The following TET2 variants were observed in gnomAD, a reference collection of about 807,000 sequenced individuals.
TET2 encodes tet methylcytosine dioxygenase 2.
A neutral mutation model predicts 142.9 loss-of-function variants in TET2; 299 were observed. The observed-to-expected ratio is 2.09, with a 90% CI of 1.90 to 2.30. The LOEUF (loss-of-function observed/expected upper bound fraction) is 2.30. Ranked by LOEUF, TET2 falls within the 30% of genes most tolerant of loss-of-function variation. The probability of loss-of-function intolerance (pLI) is 0.00; values close to 1 mark genes in which losing one functional copy is unlikely to be tolerated. For missense variants in TET2, 2,418 were observed against 2,378.0 expected (o/e 1.02, Z -0.35); for synonymous variants, 819 against 849.0 (o/e 0.96, Z 0.61).
At chr4:105,273,762 G>A (rs1361083109) in intron 10 of TET2, among the ~76,000 whole-genome samples, 1 of 152,148 alleles carries the variant, frequency 6.6e-6, no homozygotes. Context: ...TGAGTCTGTG[G>A]TTTAGGAGGG....
At chr4:105,207,925 G>C (rs1726925220) in intron 2 of TET2, among the ~76,000 whole-genome samples, 1 of 152,130 alleles carries the variant, frequency 6.6e-6, no homozygotes, top group Non-Finnish European at 1.5e-5. Context: ...CCAATGGGGA[G>C]TATAGATGAC....
intron 2 of TET2, among the ~76,000 whole-genome samples, chr4:105,233,383 C>CAAAAAAAAAAAAAA (rs34890297): frequency 0.029 from 2,210 of 76,056 alleles, 516 homozygotes; most frequent in African/African-American, 0.09. Context: ...GACTCCATCT[C>CAAAAAAAAAAAAAA]AAAAAAAAAA....
chr4:105,236,540 A>G lies in TET2; in HGVS notation c.2598A>G (p.Gln866=), dbSNP rs1288245308. 1.9e-6 allele frequency: 3 copies of G among 1,613,988 alleles called. No homozygotes were observed. The highest frequency in any genetic ancestry group is 2.7e-5 in the African/African-American group (2 of 74,920). ...AGACCCAAAACTTGCATCACATGCA[A>G]TATTTTCCAAATAATGTGATCCCAA... The part of the protein sequence containing the change: ...GNKTQNLHHM[Q]YFPNNVIPKQ... The change falls in exon 3 of 11, where the codon CAA becomes CAG. Residue 866 remains glutamine (Q), a synonymous_variant. Coordinates refer to ENST00000380013, the MANE Select transcript of TET2 (RefSeq NM_001127208.3).
chr4:105,234,825 GC>G lies in TET2; in HGVS notation c.885del (p.Cys296ValfsTer12). The G allele has an allele frequency of 6.2e-7, 1 of 1,613,976 alleles. No homozygotes were observed. The highest frequency in any genetic ancestry group is 8.5e-7 in the Non-Finnish European group (1 of 1,179,992). ...AAAGCCAGCTGCAGTGGTGAGTGAG[GC>G]CTGTGATGCTGATGATGCTGATAAT... ...PPKPAAVVSEACDADDADNAS... is the reference protein window; with the variant it reads ...PPKPAAVVSEXCDADDADNAS... On this transcript the variant is annotated frameshift_variant, in exon 3 of 11. Transcript: ENST00000380013. LOFTEE classifies it high-confidence loss of function.
chr4:105,223,264 T>C (rs925154036), intron 2 of TET2, among the ~76,000 whole-genome samples: 3 of 152,170 alleles, frequency 2.0e-5, no homozygotes, highest in African/African-American at 7.2e-5. Flanking sequence ...TAGGAAACAT[T>C]ATATTCCAGG....
Position 105,259,770 on chromosome 4 carries a change from G to A in TET2, c.3954+1G>A, listed in dbSNP as rs1011965788. The A allele has an allele frequency of 1.9e-6, 3 of 1,549,516 alleles. No individual in the cohort carries two copies. The highest frequency in any genetic ancestry group is 2.0e-5 in the Admixed American group (1 of 50,820). On this transcript the variant is annotated splice_donor_variant, in intron 7 of 10. Transcript: ENST00000380013. LOFTEE classifies it high-confidence loss of function. Reference sequence around the variant, plus strand: ...GCTGCTTGGGGATGACCCAAAAGAGGTTTGTTTACTTCCTGATGTATAATC... The same window carrying A: ...GCTGCTTGGGGATGACCCAAAAGAGATTTGTTTACTTCCTGATGTATAATC...
At chr4:105,194,911 A>T (rs1195283499) in intron 2 of TET2, among the ~76,000 whole-genome samples, 1 of 152,164 alleles carries the variant, frequency 6.6e-6, no homozygotes. Context: ...ACTCTTATAC[A>T]TGGTGTCTTG....
intron 2 of TET2, among the ~76,000 whole-genome samples, chr4:105,216,523 G>GA (rs1420696148): frequency 2.6e-5 from 4 of 152,040 alleles, no homozygotes; most frequent in African/African-American, 7.2e-5. Flanking sequence ...CGATAGAGGG[G>GA]AAAGGGGGTA....
At chr4:105,157,135 G>A (rs1713380138) in intron 1 of TET2, among the ~76,000 whole-genome samples, 2 of 151,948 alleles carry the variant, frequency 1.3e-5, no homozygotes, top group African/African-American at 4.8e-5. Flanking sequence ...CAAATACAGT[G>A]TCTGATAGTT....
At chr4:105,189,438 C>T (rs939876243) in intron 1 of TET2, among the ~76,000 whole-genome samples, 2 of 152,172 alleles carry the variant, frequency 1.3e-5, no homozygotes, top group Admixed American at 6.5e-5. Context: ...TGTTTCAAAT[C>T]GGTCTTTCCA....
intron 6 of TET2, among the ~76,000 whole-genome samples, chr4:105,246,515 T>A (rs538781118): frequency 2.0e-5 from 3 of 152,212 alleles, no homozygotes; most frequent in Admixed American, 1.3e-4. Context: ...GCTTAAGCTA[T>A]GCTTATGCAT....
In TET2 at chr4:105,275,479, G is replaced by A. The variant is rs1489178426; in HGVS notation, c.4969G>A (p.Asp1657Asn). 1 of 1,551,634 alleles carries A rather than the reference G, an allele frequency of 6.4e-7. No homozygotes were observed. ...CTATTCTCCCCAGTCTCAGCCGATG[G>A]ATCTGTATAGGTATCCAAGCCAAGA... ...GSYSPQSQPM[D>N]LYRYPSQDPL... The change falls in exon 11 of 11, where the codon GAT (aspartate) becomes AAT (asparagine). Residue 1657 changes from aspartate (D) to asparagine (N), a missense_variant. By Grantham distance (23) the Asp-to-Asn change is conservative (BLOSUM62 1). Transcript: ENST00000380013.
Position 105,278,038 on chromosome 4 carries a change from G to T in TET2, c.*1519G>T, listed in dbSNP as rs1275539961. On this transcript the variant is annotated 3_prime_UTR_variant, in exon 11 of 11. Transcript: ENST00000380013. ...AAAAAGAAACAAAAACAGGCAGCTG[G>T]TTTGCTGTGGTGGTTTTAAATCATT... The T allele has an allele frequency of 4.7e-6, 1 of 211,666 alleles. No individual in the cohort carries two copies. The highest frequency in any genetic ancestry group is 9.6e-6 in the Non-Finnish European group (1 of 104,618). The allele number at this position is 211,666 out of a possible 1,614,324, so 13.1% of individuals were successfully genotyped here. A position where few individuals can be genotyped will look rare whatever the true frequency, so the allele number is the denominator to read the frequency against.
chr4:105,263,020 C>T (rs72665945), intron 8 of TET2, among the ~76,000 whole-genome samples: 5 of 133,898 alleles, frequency 3.7e-5, no homozygotes, highest in Non-Finnish European at 6.8e-5. Context: ...CAAAGATGAC[C>T]CAGATTCTAA....
At chr4:105,146,352 C>T (rs962305805), upstream of TET2, 2 of 152,672 alleles carry the variant, frequency 1.3e-5, no homozygotes, top group Non-Finnish European at 2.9e-5. Flanking sequence ...GCTTCTTCTC[C>T]CAGGGGTGGA....
chr4:105,196,743 G>C (rs1406931084), intron 2 of TET2, among the ~76,000 whole-genome samples: 1 of 152,116 alleles, frequency 6.6e-6, no homozygotes, highest in Non-Finnish European at 1.5e-5. Flanking sequence ...ACTTACTGTA[G>C]TCATTTGTTT....
In TET2 at chr4:105,234,712, C is replaced by G. The variant is rs2110222776; in HGVS notation, c.770C>G (p.Thr257Ser). Residue 257 changes from threonine to serine, a missense_variant, in exon 3 of 11, where the codon ACT (threonine) becomes AGT (serine). Transcript: ENST00000380013. ...ATAAATGCCATTAACAGTCAGGCTA[C>G]TAATGAGTTGTCCTGTGAGATCACT... ...SHINAINSQATNELSCEITHP... is the reference protein window; with the variant it reads ...SHINAINSQASNELSCEITHP... 1 of 1,614,088 alleles carries G rather than the reference C, an allele frequency of 6.2e-7. No homozygotes were observed. The highest frequency in any genetic ancestry group is 8.5e-7 in the Non-Finnish European group (1 of 1,180,022).
At chr4:105,261,611 T>A (rs751127023) in intron 7 of TET2, 148 bp from the exon 8 acceptor site, 10 of 477,820 alleles carry the variant, frequency 2.1e-5, no homozygotes, top group African/African-American at 4.0e-5. Flanking sequence ...ATGATAGTCA[T>A]GTTTTAAAGA....
intron 2 of TET2, among the ~76,000 whole-genome samples, chr4:105,203,220 C>T (rs1246364270): frequency 6.6e-6 from 1 of 152,144 alleles, no homozygotes; most frequent in Non-Finnish European, 1.5e-5. Context: ...TAAAAGAGCA[C>T]CATATGATTA....
Sources: allele counts gnomAD v4.1 joint callset (sites outside exome capture counted in the v4.1 genomes callset), GRCh38; gene constraint gnomAD v4.1.1; transcripts MANE v1.5; gene names NCBI Gene and HGNC (gene_info 2026-07-23, HGNC 2026-07-21).